The following ATRNL1 variants were observed in gnomAD, a reference collection of about 807,000 sequenced individuals.
ATRNL1 encodes attractin like 1.
ATRNL1 carries 95 observed loss-of-function variants against 182.7 expected under a neutral mutation model. The ratio of observed to expected loss-of-function variants is 0.52; its 90% CI spans 0.44 to 0.62. The LOEUF (loss-of-function observed/expected upper bound fraction) is 0.62. Among genes scored for constraint, ATRNL1 ranks in the 20% least tolerant of loss-of-function variants. The pLI is 0.00. For synonymous variants in ATRNL1, 576 were observed against 568.3 expected (o/e 1.01, Z -0.19); for missense variants, 1,471 against 1,679.5 (o/e 0.88, Z 2.17).
At chr10:115,858,659 C>T (rs1407735433) in intron 28 of ATRNL1, among the ~76,000 whole-genome samples, 1 of 152,102 alleles carries the variant, frequency 6.6e-6, no homozygotes, top group African/African-American at 2.4e-5. Context: ...ACCTATGTAA[C>T]AAACCTGCAC....
chr10:115,283,603 T>C (rs1258241497), intron 14 of ATRNL1, among the ~76,000 whole-genome samples: 3 of 152,088 alleles, frequency 2.0e-5, no homozygotes, highest in Non-Finnish European at 4.4e-5. Context: ...TACTAAGAAG[T>C]TGAAAGTGGT....
At chr10:115,483,738 A>G (rs1554974620) in intron 24 of ATRNL1, among the ~76,000 whole-genome samples, 1 of 151,690 alleles carries the variant, frequency 6.6e-6, no homozygotes. Context: ...ATGTGATTAA[A>G]TGTGAGTGTT....
At chr10:115,275,906 A>G (rs1160216768) in intron 13 of ATRNL1, among the ~76,000 whole-genome samples, 1 of 152,212 alleles carries the variant, frequency 6.6e-6, no homozygotes, top group Non-Finnish European at 1.5e-5. Context: ...CTTTTGGTCT[A>G]TGTTTTAGCC....
intron 19 of ATRNL1, among the ~76,000 whole-genome samples, chr10:115,351,602 A>T (rs1856253510): frequency 6.6e-6 from 1 of 152,134 alleles, no homozygotes; most frequent in African/African-American, 2.4e-5. Context: ...ATGTTGAACT[A>T]TCTTGCACCC....
In ATRNL1 at chr10:115,858,527, T is replaced by A. The variant is rs118026410; in HGVS notation, c.4018+10536T>A. Among the ~76,000 whole-genome samples the A allele has an allele frequency of 2.6e-4, 39 of 152,178 alleles. No homozygotes were observed. The East Asian group carries it at 7.4e-3, about 29-fold the overall frequency. ...AAATAGTGAGGGGAACAACATACAC[T>A]GGAGCCTGTCGGGGGAGAGAGGGGT... On this transcript the variant is annotated intron_variant, in intron 28 of 28. Coordinates refer to ENST00000355044, the MANE Select transcript of ATRNL1 (RefSeq NM_207303.4).
At chr10:115,261,035 A>G (rs902290913) in intron 10 of ATRNL1, among the ~76,000 whole-genome samples, 7 of 152,134 alleles carry the variant, frequency 4.6e-5, no homozygotes, top group Non-Finnish European at 7.4e-5. Context: ...CAGAAAAATA[A>G]ATACAAAAGA....
chr10:115,868,822 C>CTTTTTTTTTTTTATTTTTTTTTTTTTT (rs1951501756), intron 28 of ATRNL1, among the ~76,000 whole-genome samples: 1 of 58,086 alleles, frequency 1.7e-5, no homozygotes, highest in Non-Finnish European at 3.2e-5. Context: ...AGTCTTTATT[C>CTTTTTTTTTTTTATTTTTTTTTTTTTT]TTTTTTTTTT....
chr10:115,149,074 T>G (rs908533863), intron 5 of ATRNL1, among the ~76,000 whole-genome samples: 3 of 152,124 alleles, frequency 2.0e-5, no homozygotes, highest in African/African-American at 2.4e-5. Context: ...AGGCGGTGTC[T>G]GATTTACATA....
intron 27 of ATRNL1, among the ~76,000 whole-genome samples, chr10:115,763,719 T>A (rs558378622): frequency 3.2e-4 from 49 of 152,306 alleles, no homozygotes; most frequent in African/African-American, 1.2e-3. Context: ...TGTGTTTGTA[T>A]ACACACATAT....
rs571526021 is a variant in ATRNL1 at position 115,485,095 on chromosome 10, CT to C, written c.3654+15772del. Among the ~76,000 whole-genome samples, 219 of 151,944 alleles carry C rather than the reference CT, an allele frequency of 1.4e-3. 1 individual carries two copies. Among genetic ancestry groups the C allele is most frequent in the Non-Finnish European group, 2.1e-3 (143 of 67,910 alleles). On this transcript the variant is annotated intron_variant, in intron 24 of 28. Coordinates refer to ENST00000355044, the MANE Select transcript of ATRNL1 (RefSeq NM_207303.4). ...TGATATTAATAAGTGATATTGATAA[CT>C]TTTTTCCTGTACTGTCTATGTCAGA...
chr10:115,484,802 T>C (rs573601393), intron 24 of ATRNL1, among the ~76,000 whole-genome samples: 2 of 152,062 alleles, frequency 1.3e-5, no homozygotes, highest in South Asian at 2.1e-4. Flanking sequence ...TCAAATAATA[T>C]GTTTGTTTTA....
At chr10:115,875,488 G>A (rs1294775178) in intron 28 of ATRNL1, among the ~76,000 whole-genome samples, 1 of 152,064 alleles carries the variant, frequency 6.6e-6, no homozygotes, top group Admixed American at 6.6e-5. Context: ...AACGGGAAGG[G>A]GACTCCCAAA....
At chr10:115,412,430 A>G (rs542783672) in intron 20 of ATRNL1, among the ~76,000 whole-genome samples, 2 of 152,316 alleles carry the variant, frequency 1.3e-5, no homozygotes, top group East Asian at 3.9e-4. Flanking sequence ...TCTGAATCAG[A>G]GAACCTGGTT....
At chr10:115,249,015 A>G (rs575707165) in intron 10 of ATRNL1, among the ~76,000 whole-genome samples, 25 of 150,772 alleles carry the variant, frequency 1.7e-4, no homozygotes, top group African/African-American at 5.4e-4. Context: ...AAAGATTTTT[A>G]TTTTTTTTTG....
chr10:115,387,324 C>T (rs1249370340), intron 19 of ATRNL1, among the ~76,000 whole-genome samples: 1 of 152,196 alleles, frequency 6.6e-6, no homozygotes, highest in Admixed American at 6.5e-5. Context: ...ATGCAAACTT[C>T]TCGGCCTTTC....
At chr10:115,464,997 GT>G (rs576368272) in intron 22 of ATRNL1, among the ~76,000 whole-genome samples, 2 of 151,570 alleles carry the variant, frequency 1.3e-5, no homozygotes, top group South Asian at 4.2e-4. Flanking sequence ...TGAAACCAAA[GT>G]TTTTTTTCCA....
At chr10:115,269,739 A>G (rs1851761117) in intron 13 of ATRNL1, among the ~76,000 whole-genome samples, 1 of 152,170 alleles carries the variant, frequency 6.6e-6, no homozygotes, top group Admixed American at 6.6e-5. Context: ...AAATTTTATT[A>G]CTGAAAGTAT....
intron 24 of ATRNL1, among the ~76,000 whole-genome samples, chr10:115,496,962 T>C (rs1318072082): frequency 6.6e-6 from 1 of 152,200 alleles, no homozygotes; most frequent in Non-Finnish European, 1.5e-5. Flanking sequence ...GGGAGAAAGT[T>C]GCTGGCTTTC....
At chr10:115,275,517 T>C (rs561743834) in intron 13 of ATRNL1, among the ~76,000 whole-genome samples, 1 of 152,336 alleles carries the variant, frequency 6.6e-6, no homozygotes, top group East Asian at 1.9e-4. Flanking sequence ...CAATTGCTGC[T>C]TTAACTCTGC....
Sources: gnomAD v4.1 joint callset for allele counts (sites outside exome capture counted in the v4.1 genomes callset) on GRCh38, gnomAD v4.1.1 for gene constraint, MANE v1.5 for transcripts, NCBI Gene and HGNC (gene_info 2026-07-23, HGNC 2026-07-21) for gene names.